The following OTP variants were observed in gnomAD, a reference collection of about 807,000 sequenced individuals.
OTP encodes the protein homeobox protein orthopedia.
Under a neutral mutation model 22.3 loss-of-function variants are expected in OTP, and 5 were observed. The observed-to-expected ratio is 0.22, with a 90% CI of 0.12 to 0.47. OTP has a LOEUF of 0.47. Among genes scored for constraint, OTP ranks in the 20% least tolerant of loss-of-function variants. The pLI is 0.99. For missense variants in OTP, 428 were observed against 456.2 expected, an observed-to-expected ratio of 0.94 and a Z score of 0.56; for synonymous variants, 229 against 210.6, an observed-to-expected ratio of 1.09 and a Z score of -0.76.
At chr5:77,636,582 T>C in intron 2 of OTP, 1 of 432,518 alleles carries the variant, frequency 2.3e-6, no homozygotes, top group Non-Finnish European at 4.1e-6. Context: ...GGGCTTCGAT[T>C]TTGAGGAGCT....
In OTP at chr5:77,638,591, T is replaced by G; in HGVS notation, c.-42A>C. On this transcript the variant is annotated 5_prime_UTR_variant, in exon 1 of 3. Coordinates refer to ENST00000306422, the MANE Select transcript of OTP (RefSeq NM_032109.3). ...GCGAAAGCTGTTCCCCCCCAAATTT[T>G]AGCGGCTTTAAGTTATTTAAAATAG... The G allele has an allele frequency of 6.5e-7, 1 of 1,531,738 alleles. No individual in the cohort carries two copies. The highest frequency in any genetic ancestry group is 8.7e-7 in the Non-Finnish European group (1 of 1,142,950). 94.9% of individuals were successfully genotyped at this position (1,531,738 alleles called of 1,614,324 possible).
rs1350452020 is a variant in OTP, at chr5:77,629,082, C to A, written c.*1182G>T. ...GCAGGTGGCCGAGGGGCACGAGGGA[C>A]GACAGGACCACCACAAAACAACCAA... On this transcript the variant is annotated 3_prime_UTR_variant, in exon 3 of 3. Transcript: ENST00000306422. The A allele has an allele frequency of 6.6e-6, 1 of 152,576 alleles. No individual in the cohort carries two copies. The highest frequency in any genetic ancestry group is 1.5e-5 in the Non-Finnish European group (1 of 68,072). The allele number at this position is 152,576 out of a possible 1,614,324, so 9.5% of individuals were successfully genotyped here.
intron 2 of OTP, 100 bp from the exon 3 acceptor site, chr5:77,630,894 G>T (rs1433235886): frequency 8.6e-6 from 11 of 1,282,490 alleles, no homozygotes; most frequent in African/African-American, 1.5e-5. Flanking sequence ...GGATACAGCC[G>T]CTCTGCCCTG....
chr5:77,637,494 C>T (rs988851445), intron 1 of OTP, among the ~76,000 whole-genome samples: 1 of 152,228 alleles, frequency 6.6e-6, no homozygotes, highest in Non-Finnish European at 1.5e-5. Context: ...ATAAAACACT[C>T]CCAGTCCCGG....
Position 77,630,650 on chromosome 5 carries a change from T to C in OTP, c.592A>G (p.Ser198Gly). The C allele has an allele frequency of 6.3e-7, 1 of 1,576,152 alleles. No individual in the cohort carries two copies. Among genetic ancestry groups the C allele is most frequent in the Non-Finnish European group, 8.6e-7 (1 of 1,168,708 alleles). Residue 198 changes from serine (S) to glycine (G), a missense_variant, in exon 3 of 3, where the codon AGC becomes GGC. By Grantham distance (56) the Ser-to-Gly change is moderately conservative (BLOSUM62 0). Transcript: ENST00000306422. ...AAAAAAAMGD[S>G]LCSFHANDTR... Reference sequence around the variant, plus strand: ...TCGTTGGCGTGGAAAGAGCACAGGCTGTCGCCCATGGCGGCGGCAGCGGCG... The same window carrying C: ...TCGTTGGCGTGGAAAGAGCACAGGCCGTCGCCCATGGCGGCGGCAGCGGCG...
At chr5:77,631,096 G>A (rs1295213180) in intron 2 of OTP, among the ~76,000 whole-genome samples, 1 of 152,254 alleles carries the variant, frequency 6.6e-6, no homozygotes, top group Non-Finnish European at 1.5e-5. Flanking sequence ...CCACGCCCCT[G>A]CACATTCTGT....
chr5:77,634,799 T>A (rs1160553824), intron 2 of OTP, among the ~76,000 whole-genome samples: 2 of 152,234 alleles, frequency 1.3e-5, no homozygotes, highest in African/African-American at 4.8e-5. Context: ...AACATTATTT[T>A]TAAAAATATT....
rs1417178554 is a variant in OTP at position 77,629,574 on chromosome 5, T to C, written c.*690A>G. 1.3e-5 allele frequency: 2 copies of C among 152,592 alleles called. No homozygotes were observed. Among genetic ancestry groups the C allele is most frequent in the Non-Finnish European group, 1.5e-5 (1 of 68,128 alleles). The allele number at this position is 152,592 out of a possible 1,614,324, so 9.5% of individuals were successfully genotyped here. ...ATGAGGCGGTTGGTAGCAATGCTTG[T>C]CCTCCTTTAAGACAAAAATCCCTAA... On this transcript the variant is annotated 3_prime_UTR_variant, in exon 3 of 3. Coordinates refer to ENST00000306422, the MANE Select transcript of OTP (RefSeq NM_032109.3).
chr5:77,635,953 C>T (rs1372210024), intron 2 of OTP: 1 of 151,614 alleles, frequency 6.6e-6, no homozygotes, highest in East Asian at 1.9e-4. Flanking sequence ...TAGGCTTATA[C>T]TTTTATTCAC....
intron 1 of OTP, among the ~76,000 whole-genome samples, chr5:77,637,953 A>G (rs56357433): frequency 0.048 from 7,323 of 152,210 alleles, 558 homozygotes; most frequent in African/African-American, 0.17. Context: ...CCTCACAGCC[A>G]TTGGCAACGC....
At position 77,630,247 on chromosome 5, in the gene OTP, G is replaced by T; in HGVS notation, c.*17C>A. 2.7e-6 allele frequency: 4 copies of T among 1,493,714 alleles called. No individual in the cohort carries two copies. The South Asian group carries it at 5.0e-5, about 19-fold the overall frequency. The allele number at this position is 1,493,714 out of a possible 1,614,324, so 92.5% of individuals were successfully genotyped here. On this transcript the variant is annotated 3_prime_UTR_variant, in exon 3 of 3. Transcript: ENST00000306422. ...CGGGGCGGTGCTGGGGGCGGAGCGG[G>T]CCGGGGCGCGGCTGCATTAAGTGAA... is the stretch of plus-strand genomic sequence containing the variant.
At chr5:77,634,488 TA>T (rs148694929) in intron 2 of OTP, among the ~76,000 whole-genome samples, 1,910 of 152,304 alleles carry the variant, frequency 0.013, 49 homozygotes, top group African/African-American at 0.044. Flanking sequence ...AAAGCATCTT[TA>T]AAAATATACA....
intron 2 of OTP, among the ~76,000 whole-genome samples, chr5:77,631,003 A>G (rs1277550320): frequency 6.6e-6 from 1 of 152,220 alleles, no homozygotes; most frequent in East Asian, 1.9e-4. Context: ...GCACCCACCA[A>G]GCGCGGAGTC....
rs1204571031 is a variant in OTP at position 77,628,831 on chromosome 5, CATAA to C, written c.*1429_*1432del. 2.0e-5 allele frequency: 3 copies of C among 152,556 alleles called. No homozygotes were observed. The highest frequency in any genetic ancestry group is 4.4e-5 in the Non-Finnish European group (3 of 68,030). 9.5% of individuals were successfully genotyped at this position (152,556 alleles called of 1,614,324 possible). A position where few individuals can be genotyped will look rare whatever the true frequency, so the allele number is the denominator to read the frequency against. ...AACATTTATTAAGAAAACCGAATTC[CATAA>C]ATAAACACAGACATTAAGTTAAAAC... On this transcript the variant is annotated 3_prime_UTR_variant, in exon 3 of 3. Transcript: ENST00000306422.
intron 1 of OTP, among the ~76,000 whole-genome samples, chr5:77,637,670 G>A (rs1261150033): frequency 6.6e-6 from 1 of 152,096 alleles, no homozygotes; most frequent in Non-Finnish European, 1.5e-5. Context: ...CTGTACCTCC[G>A]GCCCTCAGCC....
Position 77,637,337 on chromosome 5 carries a change from G to T in OTP, c.38-107C>A. On this transcript the variant is annotated intron_variant, in intron 1 of 2. Transcript: ENST00000306422. Reference sequence around the variant, plus strand: ...CCCGTCCTCGGCCCCCTCCGCACCCGCGCTTGTCCTAAGGAAGAAACTCCC... The same window carrying T: ...CCCGTCCTCGGCCCCCTCCGCACCCTCGCTTGTCCTAAGGAAGAAACTCCC... The T allele has an allele frequency of 2.3e-6, 3 of 1,300,126 alleles. No individual in the cohort carries two copies. In the South Asian group the frequency reaches 4.6e-5, roughly 20 times the overall value. 80.5% of individuals were successfully genotyped at this position (1,300,126 alleles called of 1,614,324 possible). A position where few individuals can be genotyped will look rare whatever the true frequency, so the allele number is the denominator to read the frequency against.
intron 2 of OTP, among the ~76,000 whole-genome samples, chr5:77,633,129 T>G (rs1173546258): frequency 1.3e-5 from 2 of 151,774 alleles, no homozygotes; most frequent in Non-Finnish European, 2.9e-5. Flanking sequence ...AGAGGGAGTG[T>G]GAGGGAAGGA....
intron 2 of OTP, chr5:77,635,913 A>AC (rs71301503): frequency 0.24 from 35,340 of 149,452 alleles, 5,356 homozygotes; most frequent in Non-Finnish European, 0.32. Context: ...AAAAACAAAA[A>AC]AAAAAAACAA....
chr5:77,638,280 G>A (rs1290697305), intron 1 of OTP, among the ~76,000 whole-genome samples: 1 of 148,422 alleles, frequency 6.7e-6, no homozygotes, highest in Non-Finnish European at 1.5e-5. Context: ...GAGGGGGGAA[G>A]AGAAAAATAA....
Sources: allele counts gnomAD v4.1 joint callset (sites outside exome capture counted in the v4.1 genomes callset), GRCh38; gene constraint gnomAD v4.1.1; transcripts MANE v1.5; gene names NCBI Gene and HGNC (gene_info 2026-07-23, HGNC 2026-07-21).